The following PUS10 variants were observed in gnomAD, a reference collection of about 807,000 sequenced individuals.
PUS10 encodes tRNA pseudouridine synthase Pus10.
PUS10 carries 59 observed loss-of-function variants against 75.0 expected under a neutral mutation model. The observed-to-expected ratio is 0.79, with a 90% CI of 0.64 to 0.98. The LOEUF is 0.98. PUS10 is among the 50% of genes least tolerant of loss of function. PUS10 has a pLI of 0.00. For missense variants in PUS10, 650 were observed against 614.4 expected, an observed-to-expected ratio of 1.06 and a Z score of -0.61; for synonymous variants, 219 against 211.6, an observed-to-expected ratio of 1.03 and a Z score of -0.30.
At chr2:60,987,225 C>T (rs761059080) in intron 4 of PUS10, among the ~76,000 whole-genome samples, 28 of 152,208 alleles carry the variant, frequency 1.8e-4, no homozygotes, top group Non-Finnish European at 2.6e-4. Context: ...GTGTGCAAGA[C>T]GTAATGAATG....
intron 9 of PUS10, among the ~76,000 whole-genome samples, 184 bp from the exon 10 acceptor site, chr2:60,961,732 A>G (rs1676040351): frequency 6.6e-6 from 1 of 152,222 alleles, no homozygotes; most frequent in Non-Finnish European, 1.5e-5. Flanking sequence ...AGTGGCACTA[A>G]GTAAATAAGG....
chr2:60,978,778 A>G (rs1034675706), intron 4 of PUS10, among the ~76,000 whole-genome samples: 1 of 152,228 alleles, frequency 6.6e-6, no homozygotes, highest in African/African-American at 2.4e-5. Flanking sequence ...GAAAAGGAAG[A>G]TTTGTCGTAA....
chr2:60,976,654 C>T (rs1041757892), intron 4 of PUS10, among the ~76,000 whole-genome samples: 1 of 152,246 alleles, frequency 6.6e-6, no homozygotes, highest in Non-Finnish European at 1.5e-5. Flanking sequence ...TCTGCAGGCT[C>T]CCTGCTCCAG....
chr2:60,980,974 C>A (rs1204537061), intron 4 of PUS10, among the ~76,000 whole-genome samples: 1 of 151,718 alleles, frequency 6.6e-6, no homozygotes, highest in African/African-American at 2.4e-5. Flanking sequence ...TCACTGCAAC[C>A]TCTCCTCCTG....
intron 4 of PUS10, among the ~76,000 whole-genome samples, chr2:60,995,209 C>A (rs1240582629): frequency 6.6e-6 from 1 of 152,172 alleles, no homozygotes; most frequent in African/African-American, 2.4e-5. Flanking sequence ...GATGATAACA[C>A]CACCTACTTT....
intron 8 of PUS10, among the ~76,000 whole-genome samples, chr2:60,964,037 G>A (rs573452726): frequency 2.6e-5 from 4 of 152,324 alleles, no homozygotes; most frequent in African/African-American, 9.6e-5. Context: ...GATCTCTTTA[G>A]TTCAGAAGGG....
intron 15 of PUS10, among the ~76,000 whole-genome samples, chr2:60,952,563 AT>A: frequency 6.6e-6 from 1 of 152,176 alleles, no homozygotes; most frequent in Admixed American, 6.5e-5. Context: ...TTTTATATTT[AT>A]TTTTGACAAA....
At chr2:60,972,952 C>T (rs1004571894) in intron 4 of PUS10, among the ~76,000 whole-genome samples, 3 of 152,218 alleles carry the variant, frequency 2.0e-5, no homozygotes, top group Non-Finnish European at 4.4e-5. Context: ...TCCGGAGTAG[C>T]TGCTGCCATC....
chr2:61,010,647 TC>T lies in PUS10; in HGVS notation c.126+1117del, dbSNP rs1679540269. 1.2e-5 allele frequency: 11 copies of T among 945,264 alleles called. No homozygotes were observed. The Admixed American group carries it at 2.8e-4, about 24-fold the overall frequency. The allele number at this position is 945,264 out of a possible 1,614,324, so 58.6% of individuals were successfully genotyped here. On this transcript the variant is annotated intron_variant, in intron 2 of 17. Transcript: ENST00000316752. ...GCCAATTTCTGGTTTTCAAAGTGTT[TC>T]CACGTACTTTATTAGGTATTGTCCC...
rs1368816318 is a variant in PUS10, at chr2:61,018,193, T to C, written c.-201A>G. On this transcript the variant is annotated 5_prime_UTR_variant, in exon 1 of 18. Transcript: ENST00000316752. The stretch of plus-strand genomic sequence containing the variant: ...TTCTCTATCTTTAAAGCGTAGACTT[T>C]GGTCTGTAGCAGTTGAGAGCGGCAT... The C allele has an allele frequency of 1.3e-6, 2 of 1,550,984 alleles. No individual in the cohort carries two copies. Among genetic ancestry groups the C allele is most frequent in the East Asian group, 2.4e-5 (1 of 41,050 alleles).
At chr2:60,957,171 T>A (rs2104288878) in intron 11 of PUS10, among the ~76,000 whole-genome samples, 1 of 152,218 alleles carries the variant, frequency 6.6e-6, no homozygotes, top group South Asian at 2.1e-4. Flanking sequence ...AGAAAATACA[T>A]GCTTAAAACT....
intron 3 of PUS10, 86 bp downstream of exon 3, chr2:61,008,675 G>C: frequency 8.8e-7 from 1 of 1,134,458 alleles, no homozygotes; most frequent in Non-Finnish European, 1.2e-6. Context: ...GTCTTGTCTT[G>C]AAAAAAGGAA....
chr2:61,006,275 C>T (rs1164671669), intron 4 of PUS10, among the ~76,000 whole-genome samples: 1 of 152,162 alleles, frequency 6.6e-6, no homozygotes, highest in Non-Finnish European at 1.5e-5. Context: ...CATCATGCCT[C>T]ACATGGAGCT....
At chr2:61,007,892 C>A (rs1679337053) in intron 3 of PUS10, among the ~76,000 whole-genome samples, 1 of 151,436 alleles carries the variant, frequency 6.6e-6, no homozygotes, top group Non-Finnish European at 1.5e-5. Flanking sequence ...ACCATCCTGG[C>A]TAACACGGTG....
intron 17 of PUS10, chr2:60,944,143 T>C (rs1410249769): frequency 2.6e-6 from 2 of 754,962 alleles, no homozygotes; most frequent in African/African-American, 1.9e-5. Flanking sequence ...AAAAAAAAGA[T>C]GATGAGTAGA....
Position 61,011,402 on chromosome 2 carries a change from C to A in PUS10, c.126+363G>T, listed in dbSNP as rs79175931. Among the ~76,000 whole-genome samples, 1,449 of 152,270 alleles carry A rather than the reference C, an allele frequency of 9.5e-3. 33 individuals are homozygous for A. Among genetic ancestry groups the A allele is most frequent in the African/African-American group, 0.033 (1,363 of 41,554 alleles). ...AAACAGAAAAAGGCAACCATACCCACAATGCTTCCACATAGTAGGACATGT... is the reference window on the plus strand; with the variant it reads ...AAACAGAAAAAGGCAACCATACCCAAAATGCTTCCACATAGTAGGACATGT... On this transcript the variant is annotated intron_variant, in intron 2 of 17. Coordinates refer to ENST00000316752, the MANE Select transcript of PUS10 (RefSeq NM_144709.4).
chr2:60,977,227 T>C (rs142564168), intron 4 of PUS10, among the ~76,000 whole-genome samples: 3 of 152,118 alleles, frequency 2.0e-5, no homozygotes, highest in South Asian at 4.2e-4. Flanking sequence ...GGGATTGAAG[T>C]TGATTCAAGC....
intron 4 of PUS10, among the ~76,000 whole-genome samples, chr2:60,985,982 C>A (rs895274582): frequency 6.9e-6 from 1 of 144,320 alleles, no homozygotes; most frequent in Non-Finnish European, 1.5e-5. Flanking sequence ...ACTTTTGCAT[C>A]AGGGAAATCA....
intron 4 of PUS10, among the ~76,000 whole-genome samples, chr2:60,982,998 A>G (rs1169438246): frequency 6.6e-6 from 1 of 152,150 alleles, no homozygotes; most frequent in African/African-American, 2.4e-5. Context: ...CTAAGAATTT[A>G]TCAGACAAAA....
Sources: gnomAD v4.1 joint callset for allele counts (sites outside exome capture counted in the v4.1 genomes callset) on GRCh38, gnomAD v4.1.1 for gene constraint, MANE v1.5 for transcripts, NCBI Gene and HGNC (gene_info 2026-07-23, HGNC 2026-07-21) for gene names.